ADCY1: variants seen among roughly 807,000 people sequenced by gnomAD.
ADCY1 encodes the protein adenylate cyclase type 1.
ADCY1 carries 28 observed loss-of-function variants against 105.4 expected under a neutral mutation model. That is an observed-to-expected ratio of 0.27 (90% CI 0.20 to 0.36). The LOEUF is 0.36. ADCY1 is among the 10% of genes least tolerant of loss of function. The probability of loss-of-function intolerance (pLI) is 1.00; values close to 1 mark genes in which losing one functional copy is unlikely to be tolerated. For synonymous variants in ADCY1, 655 were observed against 623.8 expected, an observed-to-expected ratio of 1.05 and a Z score of -0.75; for missense variants, 977 against 1,434.2, an observed-to-expected ratio of 0.68 and a Z score of 5.15.
At position 45,710,789 on chromosome 7, in the gene ADCY1, G is replaced by C. The variant is rs1299840471; in HGVS notation, c.3057+137G>C. The C allele has an allele frequency of 1.6e-6, 2 of 1,254,752 alleles. No homozygotes were observed. Among genetic ancestry groups the C allele is most frequent in the Non-Finnish European group, 2.1e-6 (2 of 932,198 alleles). The allele number at this position is 1,254,752 out of a possible 1,614,324, so 77.7% of individuals were successfully genotyped here. Reference sequence around the variant, plus strand: ...CAGAAAGAGCTGCATATTTCGGTCTGTCTGCTCTGGAGGGCATCCTGGCCC... The same window carrying C: ...CAGAAAGAGCTGCATATTTCGGTCTCTCTGCTCTGGAGGGCATCCTGGCCC... On this transcript the variant is annotated intron_variant, in intron 19 of 19. Transcript: ENST00000297323. The surrounding 1 kb of genome is among the most constrained non-coding windows in gnomAD (Gnocchi z 4.7).
chr7:45,605,194 T>C (rs1468660457), intron 2 of ADCY1, among the ~76,000 whole-genome samples: 2 of 152,208 alleles, frequency 1.3e-5, no homozygotes, highest in Non-Finnish European at 2.9e-5. Context: ...CTGAACTTAA[T>C]TATTTGTTCT....
intron 4 of ADCY1, among the ~76,000 whole-genome samples, chr7:45,641,547 G>C (rs1042825743): frequency 6.6e-6 from 1 of 152,040 alleles, no homozygotes; most frequent in Non-Finnish European, 1.5e-5. Flanking sequence ...GCACCACCAC[G>C]ATACCATTAT....
chr7:45,594,659 A>G (rs772185523), intron 2 of ADCY1, among the ~76,000 whole-genome samples: 53 of 151,826 alleles, frequency 3.5e-4, no homozygotes, highest in Non-Finnish European at 6.2e-4. Flanking sequence ...TTGCTGCTTG[A>G]TGTGCAGCAT....
At chr7:45,605,208 A>T (rs1435344491) in intron 2 of ADCY1, among the ~76,000 whole-genome samples, 1 of 152,054 alleles carries the variant, frequency 6.6e-6, no homozygotes, top group African/African-American at 2.4e-5. Context: ...TTGTTCTAGG[A>T]GTCTTTTTGG....
At chr7:45,712,040 T>C (rs191545996) in intron 19 of ADCY1, among the ~76,000 whole-genome samples, 1 of 125,822 alleles carries the variant, frequency 7.9e-6, no homozygotes. Context: ...TAAATATATA[T>C]TTTATATAAT....
chr7:45,659,890 G>T, intron 6 of ADCY1, 152 bp from the exon 7 acceptor site: 1 of 956,530 alleles, frequency 1.0e-6, no homozygotes, highest in Non-Finnish European at 1.5e-6. Context: ...TCCTGGCATG[G>T]ACGGACTTGC....
chr7:45,635,252 G>A (rs1794369760), intron 4 of ADCY1, among the ~76,000 whole-genome samples: 1 of 151,192 alleles, frequency 6.6e-6, no homozygotes, highest in African/African-American at 2.4e-5. Flanking sequence ...CATGGTTTTG[G>A]TAAGTTTTGT....
chr7:45,574,209 C>T, upstream of ADCY1: 7 of 932,126 alleles, frequency 7.5e-6, no homozygotes, highest in Non-Finnish European at 9.0e-6. This position sits in a 1 kb window ranked among gnomAD's most constrained non-coding sequence, Gnocchi z 7.0. Flanking sequence ...TCACGCGGCT[C>T]CTCCGGCGGG....
In ADCY1 at chr7:45,722,754, T is replaced by C. The variant is rs1770723964; in HGVS notation, c.*8759T>C. 1 of 152,590 alleles carries C rather than the reference T, an allele frequency of 6.6e-6. No homozygotes were observed. The highest frequency in any genetic ancestry group is 2.1e-4 in the South Asian group (1 of 4,826). 9.5% of individuals were successfully genotyped at this position (152,590 alleles called of 1,614,324 possible). ...AGAGTGATGTGGGCAAGGGTGTCAT[T>C]TTCTCGCACAATACAACTCACTGAG... On this transcript the variant is annotated 3_prime_UTR_variant, in exon 20 of 20. Transcript: ENST00000297323.
intron 5 of ADCY1, among the ~76,000 whole-genome samples, chr7:45,654,479 A>G (rs117411202): frequency 0.014 from 2,104 of 152,274 alleles, 27 homozygotes; most frequent in South Asian, 0.06. Context: ...TGTGGTCGTC[A>G]GTAGAACTTG....
At chr7:45,712,323 C>T (rs1785276904) in intron 19 of ADCY1, among the ~76,000 whole-genome samples, 1 of 150,180 alleles carries the variant, frequency 6.7e-6, no homozygotes, top group Non-Finnish European at 1.5e-5. Flanking sequence ...TCCCCCAAAA[C>T]TGGACTTGCC....
intron 19 of ADCY1, among the ~76,000 whole-genome samples, chr7:45,712,233 A>AC (rs5883940): frequency 1.6e-5 from 1 of 62,028 alleles, no homozygotes; most frequent in Non-Finnish European, 4.4e-5. Flanking sequence ...AAATATATAA[A>AC]TATATATATA....
At chr7:45,662,809 G>A (rs982215191) in intron 8 of ADCY1, among the ~76,000 whole-genome samples, 4 of 152,118 alleles carry the variant, frequency 2.6e-5, no homozygotes, top group Non-Finnish European at 5.9e-5. Context: ...CCCCACCCCC[G>A]GACCCCAGGC....
intron 4 of ADCY1, among the ~76,000 whole-genome samples, chr7:45,639,931 C>T (rs1584294049): frequency 6.6e-6 from 1 of 152,310 alleles, no homozygotes; most frequent in South Asian, 2.1e-4. Context: ...AACATGGACA[C>T]ATCAGTAGAC....
In ADCY1 at chr7:45,686,773, C is replaced by T. The variant is rs1215833563; in HGVS notation, c.2454+100C>T. On this transcript the variant is annotated intron_variant, in intron 14 of 19. Transcript: ENST00000297323. The surrounding 1 kb of genome is among the most constrained non-coding windows in gnomAD (Gnocchi z 4.3). Reference sequence around the variant, plus strand: ...GGGGCTGCCACAGACACCCACACGCCGTATGGCCCTCGGAGGGCCCTCCTC... The same window carrying T: ...GGGGCTGCCACAGACACCCACACGCTGTATGGCCCTCGGAGGGCCCTCCTC... 8.8e-6 allele frequency: 13 copies of T among 1,474,656 alleles called. No homozygotes were observed. The highest frequency in any genetic ancestry group is 6.9e-5 in the Admixed American group (3 of 43,216). 91.3% of individuals were successfully genotyped at this position (1,474,656 alleles called of 1,614,324 possible).
At chr7:45,578,425 C>A (rs1426801582) in intron 1 of ADCY1, among the ~76,000 whole-genome samples, 2 of 152,282 alleles carry the variant, frequency 1.3e-5, no homozygotes, top group East Asian at 3.9e-4. Context: ...TTTAGCCGAG[C>A]ACCTGTCAGA....
Position 45,686,455 on chromosome 7 carries a change from A to C in ADCY1, c.2328-92A>C. The C allele has an allele frequency of 1.3e-6, 2 of 1,518,278 alleles. No homozygotes were observed. Among genetic ancestry groups the C allele is most frequent in the Non-Finnish European group, 1.8e-6 (2 of 1,132,114 alleles). 94.1% of individuals were successfully genotyped at this position (1,518,278 alleles called of 1,614,324 possible). A position where few individuals can be genotyped will look rare whatever the true frequency, so the allele number is the denominator to read the frequency against. ...AGCTGTTTTTGGGTGTCACCACCTGAGGGTCACTCTGAACAGTTCTTGGGT... is the reference window on the plus strand; with the variant it reads ...AGCTGTTTTTGGGTGTCACCACCTGCGGGTCACTCTGAACAGTTCTTGGGT... On this transcript the variant is annotated intron_variant, in intron 13 of 19. Transcript: ENST00000297323. The surrounding 1 kb of genome is among the most constrained non-coding windows in gnomAD (Gnocchi z 4.3).
intron 2 of ADCY1, among the ~76,000 whole-genome samples, chr7:45,609,293 G>A (rs1475019044): frequency 6.6e-6 from 1 of 152,236 alleles, no homozygotes; most frequent in Non-Finnish European, 1.5e-5. Flanking sequence ...CTGTGCAGGA[G>A]GGACTCCCAG....
At chr7:45,580,296 C>T (rs1038261888) in intron 1 of ADCY1, among the ~76,000 whole-genome samples, 4 of 152,162 alleles carry the variant, frequency 2.6e-5, no homozygotes, top group African/African-American at 9.7e-5. Context: ...TGAGTCTGGT[C>T]GCACTGATGG....
Sources: gnomAD v4.1 joint callset for allele counts (sites outside exome capture counted in the v4.1 genomes callset) on GRCh38, gnomAD v4.1.1 for gene constraint, Gnocchi (gnomAD v3.1) non-coding constraint, MANE v1.5 for transcripts, NCBI Gene and HGNC (gene_info 2026-07-23, HGNC 2026-07-21) for gene names.